Variants in C1orf21 observed in about 807,000 individuals in gnomAD.
C1orf21 encodes the protein chromosome 1 open reading frame 21, also known as uncharacterized protein C1orf21.
Under a neutral mutation model 18.7 loss-of-function variants are expected in C1orf21, and 3 were observed. The ratio of observed to expected loss-of-function variants is 0.16; its 90% confidence interval spans 0.07 to 0.42. The LOEUF (loss-of-function observed/expected upper bound fraction) is 0.42. Among genes scored for constraint, C1orf21 ranks in the 10% least tolerant of loss-of-function variants. The pLI, the probability that C1orf21 is intolerant of heterozygous loss-of-function variation, is 0.99. For missense variants in C1orf21, 104 were observed against 143.6 expected, an observed-to-expected ratio of 0.72 and a Z score of 1.41; for synonymous variants, 41 against 46.4, an observed-to-expected ratio of 0.88 and a Z score of 0.47.
chr1:184,463,683 G>A (rs1448779681), intron 1 of C1orf21, among the ~76,000 whole-genome samples: 2 of 152,208 alleles, frequency 1.3e-5, no homozygotes, highest in African/African-American at 4.8e-5. Context: ...TAGAACAACA[G>A]TGAAGATGTC....
chr1:184,485,286 AAAG>A (rs1212344105), intron 2 of C1orf21, among the ~76,000 whole-genome samples: 2 of 152,210 alleles, frequency 1.3e-5, no homozygotes, highest in Admixed American at 6.5e-5. Flanking sequence ...TAATATGAAA[AAAG>A]AATATAAAAT....
rs1176341006 is a variant in C1orf21, at chr1:184,458,185, G to A, written c.-124-19201G>A. Among the ~76,000 whole-genome samples, 6 of 152,126 alleles carry A rather than the reference G, an allele frequency of 3.9e-5. No homozygotes were observed. In the South Asian group the frequency reaches 6.2e-4, roughly 16 times the overall value. On this transcript the variant is annotated intron_variant, in intron 1 of 5. Transcript: ENST00000235307. Reference sequence around the variant, plus strand: ...GTCCTGTGCTAAGTGTGGGGGATACGTGACTAAGGGGACTCCCTTCCTCCC... The same window carrying A: ...GTCCTGTGCTAAGTGTGGGGGATACATGACTAAGGGGACTCCCTTCCTCCC...
chr1:184,430,163 C>T (rs1236372210), intron 1 of C1orf21, among the ~76,000 whole-genome samples: 3 of 149,968 alleles, frequency 2.0e-5, no homozygotes, highest in Non-Finnish European at 4.4e-5. Context: ...TCACATTTAA[C>T]TGGGGAGCCT....
At chr1:184,567,870 A>G (rs571419226) in intron 3 of C1orf21, 1 of 202,160 alleles carries the variant, frequency 4.9e-6, no homozygotes, top group East Asian at 1.6e-4. Flanking sequence ...ACCACACTGA[A>G]AGTTCCAGGG....
intron 2 of C1orf21, among the ~76,000 whole-genome samples, chr1:184,505,699 G>A (rs1295751421): frequency 6.7e-6 from 1 of 150,310 alleles, no homozygotes; most frequent in Non-Finnish European, 1.5e-5. Flanking sequence ...GGAGGCGGAG[G>A]TTGCAGTGAG....
intron 3 of C1orf21, among the ~76,000 whole-genome samples, chr1:184,579,742 C>T (rs1334189332): frequency 6.6e-6 from 1 of 152,018 alleles, no homozygotes; most frequent in African/African-American, 2.4e-5. Context: ...AACTCCTGAC[C>T]TCGTGATCCA....
intron 2 of C1orf21, among the ~76,000 whole-genome samples, chr1:184,506,795 C>T (rs1658069169): frequency 6.6e-6 from 1 of 152,084 alleles, no homozygotes; most frequent in South Asian, 2.1e-4. Context: ...TGAGTTTGTT[C>T]TATGGTGTAT....
At chr1:184,521,477 A>C (rs996479617) in intron 3 of C1orf21, among the ~76,000 whole-genome samples, 1 of 152,202 alleles carries the variant, frequency 6.6e-6, no homozygotes, top group Non-Finnish European at 1.5e-5. Context: ...GCCATGAAAA[A>C]AACATGGATA....
intron 2 of C1orf21, 86 bp from the exon 3 acceptor site, chr1:184,507,502 A>C: frequency 8.6e-7 from 1 of 1,158,446 alleles, no homozygotes; most frequent in Non-Finnish European, 1.2e-6. Context: ...GGGTCTAGCA[A>C]ATTACACTAT....
intron 3 of C1orf21, among the ~76,000 whole-genome samples, chr1:184,517,955 A>G (rs1367499099): frequency 5.9e-5 from 9 of 152,174 alleles, no homozygotes; most frequent in African/African-American, 1.9e-4. Flanking sequence ...GATCCCAGAC[A>G]CCATCTACCT....
chr1:184,435,925 G>A (rs1321209181), intron 1 of C1orf21, among the ~76,000 whole-genome samples: 1 of 152,230 alleles, frequency 6.6e-6, no homozygotes, highest in African/African-American at 2.4e-5. Context: ...TGCAACTAAT[G>A]TTGCATGGAG....
intron 3 of C1orf21, chr1:184,566,483 T>G (rs1659037858): frequency 3.6e-6 from 1 of 281,618 alleles, no homozygotes; most frequent in Non-Finnish European, 6.9e-6. Flanking sequence ...ACCTCAACCC[T>G]GAGAGGTGGA....
intron 3 of C1orf21, among the ~76,000 whole-genome samples, chr1:184,564,300 C>A (rs1467050360): frequency 6.6e-6 from 1 of 151,974 alleles, no homozygotes; most frequent in Non-Finnish European, 1.5e-5. Context: ...AATAATAATT[C>A]TCCTTATTTA....
At chr1:184,397,526 C>T (rs1656079237) in intron 1 of C1orf21, among the ~76,000 whole-genome samples, 1 of 151,772 alleles carries the variant, frequency 6.6e-6, no homozygotes, top group Non-Finnish European at 1.5e-5. Context: ...GCAGAGCTTG[C>T]AGTGAGCCAA....
chr1:184,588,245 T>C (rs1405807215), intron 3 of C1orf21, among the ~76,000 whole-genome samples: 2 of 152,214 alleles, frequency 1.3e-5, no homozygotes, highest in Non-Finnish European at 2.9e-5. Context: ...TGACAGTATC[T>C]CTTGCCAGTG....
intron 3 of C1orf21, among the ~76,000 whole-genome samples, chr1:184,524,220 T>C (rs900959787): frequency 2.6e-5 from 4 of 152,170 alleles, no homozygotes; most frequent in African/African-American, 9.6e-5. Flanking sequence ...TACTAATAAA[T>C]ATTTGCTGAA....
chr1:184,590,916 A>G (rs1282069592), intron 4 of C1orf21, 101 bp downstream of exon 4: 1 of 1,168,352 alleles, frequency 8.6e-7, no homozygotes. Context: ...TATTCAAAAA[A>G]TAATAATTCT....
chr1:184,595,175 T>A (rs1659495808), intron 4 of C1orf21, among the ~76,000 whole-genome samples: 1 of 152,214 alleles, frequency 6.6e-6, no homozygotes, highest in South Asian at 2.1e-4. Context: ...TGAGCCTTAT[T>A]GGTTAAGTCA....
At chr1:184,423,859 G>GTCCA (rs3033528) in intron 1 of C1orf21, among the ~76,000 whole-genome samples, 43,871 of 146,890 alleles carry the variant, frequency 0.3, 7,063 homozygotes, top group East Asian at 0.41. Context: ...TCCACCCATC[G>GTCCA]TCCATCCATC....
Sources: gnomAD v4.1 joint callset for allele counts (sites outside exome capture counted in the v4.1 genomes callset) on GRCh38, gnomAD v4.1.1 for gene constraint, MANE v1.5 for transcripts, NCBI Gene and HGNC (gene_info 2026-07-23, HGNC 2026-07-21) for gene names.